PARP6: variants seen among roughly 807,000 people sequenced by gnomAD.
The protein encoded by PARP6 is protein mono-ADP-ribosyltransferase PARP6.
A neutral mutation model predicts 92.0 loss-of-function variants in PARP6; 27 were observed. The ratio of observed to expected loss-of-function variants is 0.29; its 90% CI spans 0.22 to 0.40. PARP6 has a LOEUF of 0.40. Among genes scored for constraint, PARP6 ranks in the 10% least tolerant of loss-of-function variants. The pLI, the probability that PARP6 is intolerant of heterozygous loss-of-function variation, is 1.00. For synonymous variants in PARP6, 272 were observed against 281.2 expected, an observed-to-expected ratio of 0.97 and a Z score of 0.33; for missense variants, 501 against 784.5, an observed-to-expected ratio of 0.64 and a Z score of 4.32.
Position 72,249,301 on chromosome 15 carries a change from G to T in PARP6, c.1505C>A (p.Ala502Asp). ...GCTCAGGTAGATGCCTTTGCCATAG[G>T]CTGCTCCATGCAGCTTGCAGGGAAA... ...SYTKLQLHGA[A>D]YGKGIYLSPI... is the part of the protein sequence containing the mutation. The change falls in exon 20 of 24, where the codon GCC becomes GAC. Residue 502 changes from alanine (A) to aspartate (D), a missense_variant. Physicochemically the swap from Ala to Asp is moderately radical, Grantham distance 126. Around this residue, in one of 4 missense-constraint regions of PARP6, gnomAD observed 191 missense variants for 399.1 expected, o/e 0.48. Coordinates refer to ENST00000569795, the MANE Select transcript of PARP6 (RefSeq NM_001323532.2). The T allele has an allele frequency of 6.3e-7, 1 of 1,593,132 alleles. No homozygotes were observed. The highest frequency in any genetic ancestry group is 8.6e-7 in the Non-Finnish European group (1 of 1,163,582).
At chr15:72,250,299 C>A in intron 18 of PARP6, 1 of 514,592 alleles carries the variant, frequency 1.9e-6, no homozygotes. Context: ...CAGTCCCATC[C>A]TCTCTTCGGT....
chr15:72,254,675 C>T (rs181509883), intron 14 of PARP6, among the ~76,000 whole-genome samples, 155 bp from the exon 15 acceptor site: 3 of 152,288 alleles, frequency 2.0e-5, no homozygotes, highest in East Asian at 3.9e-4. Context: ...GTTCTAGGGG[C>T]ACATGCTAGT....
Position 72,264,639 on chromosome 15 carries a change from G to A in PARP6, c.329-18C>T. On this transcript the variant is annotated intron_variant, in intron 7 of 23. Coordinates refer to ENST00000569795, the MANE Select transcript of PARP6 (RefSeq NM_001323532.2). ...GGATGGTTCTGCAAAGAGAAGAGAA[G>A]GCTACTAGTAAGTACATATCTCTTG... 1 of 1,604,348 alleles carries A rather than the reference G, an allele frequency of 6.2e-7. No homozygotes were observed. The highest frequency in any genetic ancestry group is 1.1e-5 in the South Asian group (1 of 90,856).
rs544229071 is a variant in PARP6 at position 72,250,829 on chromosome 15, C to G, written c.1418+16G>C. On this transcript the variant is annotated intron_variant, in intron 18 of 23. Coordinates refer to ENST00000569795, the MANE Select transcript of PARP6 (RefSeq NM_001323532.2). The stretch of plus-strand genomic sequence containing the variant: ...CCCCCTCACCACCCCCACTGCCCAG[C>G]CCCCAGCCTCCTCACTGGAAGGCAA... The G allele has an allele frequency of 6.7e-7, 1 of 1,485,726 alleles. No individual in the cohort carries two copies. Among genetic ancestry groups the G allele is most frequent in the East Asian group, 2.3e-5 (1 of 43,504 alleles). The allele number at this position is 1,485,726 out of a possible 1,614,324, so 92.0% of individuals were successfully genotyped here. A position where few individuals can be genotyped will look rare whatever the true frequency, so the allele number is the denominator to read the frequency against.
Position 72,267,649 on chromosome 15 carries a change from T to C in PARP6, c.-172A>G. The C allele has an allele frequency of 1.5e-6, 1 of 666,204 alleles. No homozygotes were observed. The highest frequency in any genetic ancestry group is 2.7e-6 in the Non-Finnish European group (1 of 370,472). 41.3% of individuals were successfully genotyped at this position (666,204 alleles called of 1,614,324 possible). A position where few individuals can be genotyped will look rare whatever the true frequency, so the allele number is the denominator to read the frequency against. On this transcript the variant is annotated 5_prime_UTR_variant, in exon 3 of 24. Coordinates refer to ENST00000569795, the MANE Select transcript of PARP6 (RefSeq NM_001323532.2). ...TGTTGGGGATGGCAGGCTCTGCTGTTGCGGTGGTAACAAGTCACTGTCCTG... is the reference window on the plus strand; with the variant it reads ...TGTTGGGGATGGCAGGCTCTGCTGTCGCGGTGGTAACAAGTCACTGTCCTG...
Position 72,265,051 on chromosome 15 carries a change from C to T in PARP6, c.328+30G>A, listed in dbSNP as rs574054200. ...GCTTTGGATTAGACCACACTCAGAC[C>T]ACCCACTTGCCCAAAGTCACTGCCT... On this transcript the variant is annotated intron_variant, in intron 7 of 23. Transcript: ENST00000569795. The T allele has an allele frequency of 9.5e-5, 139 of 1,458,834 alleles. No individual in the cohort carries two copies. In the South Asian group the frequency reaches 1.2e-3, roughly 12 times the overall value. The allele number at this position is 1,458,834 out of a possible 1,614,324, so 90.4% of individuals were successfully genotyped here.
intron 1 of PARP6, 59 bp downstream of exon 1, chr15:72,272,334 G>C (rs1013042931): frequency 6.5e-6 from 1 of 152,754 alleles, no homozygotes; most frequent in Non-Finnish European, 1.5e-5. Context: ...CGCCGGGCCT[G>C]AGTGAAGCCT....
Position 72,242,324 on chromosome 15 carries a change from C to T in PARP6, c.1642-104G>A. The T allele has an allele frequency of 1.1e-6, 1 of 922,564 alleles. No individual in the cohort carries two copies. Among genetic ancestry groups the T allele is most frequent in the South Asian group, 1.4e-5 (1 of 72,372 alleles). The allele number at this position is 922,564 out of a possible 1,614,324, so 57.1% of individuals were successfully genotyped here. Reference sequence around the variant, plus strand: ...ATTGGGAGTGGGGATCAGAGATATCCTGGGCTCCCAGCAACACCCCTCGCC... The same window carrying T: ...ATTGGGAGTGGGGATCAGAGATATCTTGGGCTCCCAGCAACACCCCTCGCC... On this transcript the variant is annotated intron_variant, in intron 21 of 23. Coordinates refer to ENST00000569795, the MANE Select transcript of PARP6 (RefSeq NM_001323532.2). This position sits in a 1 kb window ranked among gnomAD's most constrained non-coding sequence, Gnocchi z 4.3.
intron 20 of PARP6, chr15:72,245,701 C>A (rs2083522363): frequency 6.6e-6 from 1 of 152,162 alleles, no homozygotes; most frequent in South Asian, 2.1e-4. Context: ...TAATCAATTA[C>A]CCTTTGAGAG....
chr15:72,254,395 CAGAAT>C (rs1200785110), intron 15 of PARP6, 55 bp downstream of exon 15: 12 of 1,206,726 alleles, frequency 9.9e-6, no homozygotes, highest in Non-Finnish European at 1.3e-5. Flanking sequence ...AAATTACCAA[CAGAAT>C]AGGACACTTG....
chr15:72,255,688 A>T (rs2140993858), intron 14 of PARP6, among the ~76,000 whole-genome samples: 1 of 151,744 alleles, frequency 6.6e-6, no homozygotes, highest in South Asian at 2.1e-4. Flanking sequence ...ATTCCTTATA[A>T]TAAACCTCTT....
At chr15:72,258,538 A>C (rs2085429703) in intron 11 of PARP6, among the ~76,000 whole-genome samples, 2 of 152,274 alleles carry the variant, frequency 1.3e-5, no homozygotes, top group Non-Finnish European at 2.9e-5. Context: ...AACTATTAAA[A>C]GTACTTGTAA....
chr15:72,242,882 G>A lies in PARP6; in HGVS notation c.1562-183C>T. ...GAACAAGTAATTAACAACACAGCAT[G>A]GTAAGGGGTTGTGATGCAGATTATA... On this transcript the variant is annotated intron_variant, in intron 20 of 23. Transcript: ENST00000569795. This position sits in a 1 kb window ranked among gnomAD's most constrained non-coding sequence, Gnocchi z 4.3. The A allele has an allele frequency of 1.7e-6, 1 of 577,322 alleles. No homozygotes were observed. Among genetic ancestry groups the A allele is most frequent in the Non-Finnish European group, 3.1e-6 (1 of 325,732 alleles). 35.8% of individuals were successfully genotyped at this position (577,322 alleles called of 1,614,324 possible). A position where few individuals can be genotyped will look rare whatever the true frequency, so the allele number is the denominator to read the frequency against.
At position 72,242,202 on chromosome 15, in the gene PARP6, G is replaced by A; in HGVS notation, c.1660C>T (p.Arg554Trp). The change falls in exon 22 of 24, where the codon CGG becomes TGG. Residue 554 changes from arginine (R) to tryptophan (W), a missense_variant. Around this residue, in one of 4 missense-constraint regions of PARP6, gnomAD observed 191 missense variants for 399.1 expected, o/e 0.48. Transcript: ENST00000569795. The surrounding 1 kb of genome is among the most constrained non-coding windows in gnomAD (Gnocchi z 4.3). ...TTTAGATTCCGACTCTGCAGGAACC[G>A]TGACTGAATGGATCGGGTCTGGAAG... ...TIPQTRSIQSRFLQSRNLNCI... is the reference protein window; with the variant it reads ...TIPQTRSIQSWFLQSRNLNCI... 6.2e-7 allele frequency: 1 copy of A among 1,614,058 alleles called. No homozygotes were observed. Among genetic ancestry groups the A allele is most frequent in the Non-Finnish European group, 8.5e-7 (1 of 1,179,914 alleles).
chr15:72,267,198 C>T, intron 3 of PARP6: 1 of 561,574 alleles, frequency 1.8e-6, no homozygotes. Context: ...AGGATCATTA[C>T]CTAAGACAGT....
chr15:72,252,360 T>C (rs1173262773), intron 16 of PARP6, among the ~76,000 whole-genome samples: 1 of 152,340 alleles, frequency 6.6e-6, no homozygotes, highest in Admixed American at 6.5e-5. Context: ...TCAAAATCAC[T>C]GTGGTAGATT....
Position 72,249,226 on chromosome 15 carries a change from G to A in PARP6, c.1561+19C>T, listed in dbSNP as rs567650451. 5 of 1,490,110 alleles carry A rather than the reference G, an allele frequency of 3.4e-6. No homozygotes were observed. The highest frequency in any genetic ancestry group is 1.7e-4 in the Middle Eastern group (1 of 5,796). The allele number at this position is 1,490,110 out of a possible 1,614,324, so 92.3% of individuals were successfully genotyped here. A position where few individuals can be genotyped will look rare whatever the true frequency, so the allele number is the denominator to read the frequency against. On this transcript the variant is annotated intron_variant, in intron 20 of 23. Transcript: ENST00000569795. ...AGGCAATGTAAATAGAGTCAAGGTG[G>A]CCACAGAATATTTCTTACCTGAGTA...
chr15:72,260,597 T>C lies in PARP6; in HGVS notation c.637A>G (p.Ile213Val). 1 of 1,614,092 alleles carries C rather than the reference T, an allele frequency of 6.2e-7. No homozygotes were observed. Residue 213 changes from isoleucine (I) to valine (V), a missense_variant, in exon 10 of 24, where the codon ATC becomes GTC. Transcript: ENST00000569795. ...TTGGGGTTCTTCATGGTACAGGAGA[T>C]GGAACGGTTCATGAGGCGCCCAACC... ...LRVGRLMNRS[I>V]SCTMKNPKVE...
At chr15:72,256,748 C>A (rs2085190522) in intron 13 of PARP6, among the ~76,000 whole-genome samples, 158 bp from the exon 14 acceptor site, 1 of 152,132 alleles carries the variant, frequency 6.6e-6, no homozygotes, top group South Asian at 2.1e-4. Flanking sequence ...CAAGTAATAC[C>A]AAAGTAATTA....
Sources: gnomAD v4.1 joint callset for allele counts (sites outside exome capture counted in the v4.1 genomes callset) on GRCh38, gnomAD v4.1.1 for gene constraint, gnomAD v4.1.1 regional missense constraint, Gnocchi (gnomAD v3.1) non-coding constraint, MANE v1.5 for transcripts, NCBI Gene and HGNC (gene_info 2026-07-23, HGNC 2026-07-21) for gene names.